Variants in NUDT3 observed in about 807,000 individuals in gnomAD.
NUDT3 encodes diphosphoinositol polyphosphate phosphohydrolase 1.
In NUDT3, 9 loss-of-function variants were observed where a neutral mutation model predicts 23.6. That is an observed-to-expected ratio of 0.38 (90% CI 0.23 to 0.66). The LOEUF (loss-of-function observed/expected upper bound fraction) is 0.66, where lower values mean the gene tolerates loss of function less well. Among genes scored for constraint, NUDT3 ranks in the 30% least tolerant of loss-of-function variants. The pLI is 0.52. For missense variants in NUDT3, 172 were observed against 218.5 expected, an observed-to-expected ratio of 0.79 and a Z score of 1.34; for synonymous variants, 86 against 82.6, an observed-to-expected ratio of 1.04 and a Z score of -0.22.
chr6:34,312,177 G>A (rs1220163827), intron 2 of NUDT3, among the ~76,000 whole-genome samples: 3 of 152,042 alleles, frequency 2.0e-5, no homozygotes, highest in South Asian at 2.1e-4. Flanking sequence ...TGAGGTGGGC[G>A]GATCACTTGA....
chr6:34,328,424 T>G (rs1764075279), intron 2 of NUDT3, among the ~76,000 whole-genome samples: 1 of 152,226 alleles, frequency 6.6e-6, no homozygotes, highest in South Asian at 2.1e-4. Flanking sequence ...CACTATAGCT[T>G]ACCATTTTTT....
intron 2 of NUDT3, among the ~76,000 whole-genome samples, chr6:34,300,426 T>A (rs1222386979): frequency 6.6e-6 from 1 of 152,242 alleles, no homozygotes; most frequent in African/African-American, 2.4e-5. Flanking sequence ...TGAGATGGTA[T>A]GCCTAAGCAA....
At chr6:34,377,131 C>T (rs1176217443) in intron 1 of NUDT3, among the ~76,000 whole-genome samples, 1 of 152,110 alleles carries the variant, frequency 6.6e-6, no homozygotes, top group Non-Finnish European at 1.5e-5. Flanking sequence ...CTAACTGCTC[C>T]ATGTACTTTA....
At chr6:34,290,401 CTTTTTTTTT>C (rs952499361) in intron 4 of NUDT3, among the ~76,000 whole-genome samples, 3 of 107,342 alleles carry the variant, frequency 2.8e-5, no homozygotes, top group Non-Finnish European at 3.8e-5. Flanking sequence ...GCTGCTGCTT[CTTTTTTTTT>C]TTTTTTTTTT....
intron 2 of NUDT3, among the ~76,000 whole-genome samples, chr6:34,304,746 G>C (rs1763652586): frequency 6.7e-6 from 1 of 150,012 alleles, no homozygotes; most frequent in South Asian, 2.1e-4. Context: ...CTGCAGCCTT[G>C]ACTACCCAGG....
At chr6:34,326,431 CATTT>C (rs1404984008) in intron 2 of NUDT3, among the ~76,000 whole-genome samples, 2 of 152,184 alleles carry the variant, frequency 1.3e-5, no homozygotes, top group Non-Finnish European at 2.9e-5. Context: ...ACAGCTCATT[CATTT>C]AATTAACACA....
At chr6:34,307,490 C>T (rs528246477) in intron 2 of NUDT3, among the ~76,000 whole-genome samples, 2 of 151,832 alleles carry the variant, frequency 1.3e-5, no homozygotes, top group East Asian at 3.9e-4. Context: ...ATGGGAGGAT[C>T]GCTTGAGCCC....
In NUDT3 at chr6:34,390,193, G is replaced by T. The variant is rs117744132; in HGVS notation, c.99+2071C>A. Among the ~76,000 whole-genome samples the T allele has an allele frequency of 2.2e-3, 331 of 150,450 alleles. 1 individual carries two copies. Among genetic ancestry groups the T allele is most frequent in the East Asian group, 0.011 (57 of 5,118 alleles). On this transcript the variant is annotated intron_variant, in intron 1 of 4. Transcript: ENST00000607016. ...TAAATAAAATTTTAAAAATAAAAATGCAAGCTCCTAGAATCGCCTGAACCT... is the reference window on the plus strand; with the variant it reads ...TAAATAAAATTTTAAAAATAAAAATTCAAGCTCCTAGAATCGCCTGAACCT...
intron 1 of NUDT3, among the ~76,000 whole-genome samples, chr6:34,344,825 GT>G (rs983952053): frequency 2.0e-5 from 3 of 149,976 alleles, no homozygotes; most frequent in African/African-American, 7.3e-5. Flanking sequence ...TTAATTTTTT[GT>G]GTTTTTAGTA....
At chr6:34,289,219 T>C (rs1763380775) in intron 4 of NUDT3, among the ~76,000 whole-genome samples, 1 of 152,278 alleles carries the variant, frequency 6.6e-6, no homozygotes, top group South Asian at 2.1e-4. Flanking sequence ...TGAGCTTTCC[T>C]TGCTTGCACA....
At position 34,341,871 on chromosome 6, in the gene NUDT3, G is replaced by T; in HGVS notation, c.201C>A (p.Val67=). The part of the protein sequence containing the change: ...EEPSVAAVRE[V]CEEAGVKGTL... ...TCTTCTCCATGCATACCTCCTCACA[G>T]ACTTCACGAACTGCTGCCACACTTG... Residue 67 remains valine, a synonymous_variant, in exon 2 of 5, where the codon GTC becomes GTA. Coordinates refer to ENST00000607016, the MANE Select transcript of NUDT3 (RefSeq NM_006703.4). 6.2e-7 allele frequency: 1 copy of T among 1,613,906 alleles called. No homozygotes were observed. The highest frequency in any genetic ancestry group is 1.1e-5 in the South Asian group (1 of 91,074).
intron 3 of NUDT3, among the ~76,000 whole-genome samples, chr6:34,294,645 G>A (rs1327763723): frequency 2.0e-5 from 3 of 151,470 alleles, no homozygotes; most frequent in Admixed American, 2.0e-4. Context: ...AGAATCACTT[G>A]AACCTGGGAG....
rs1233853980 is a variant in NUDT3, at chr6:34,287,873, T to G, written c.*880A>C. 1 of 152,136 alleles carries G rather than the reference T, an allele frequency of 6.6e-6. No individual in the cohort carries two copies. Among genetic ancestry groups the G allele is most frequent in the Non-Finnish European group, 1.5e-5 (1 of 68,034 alleles). The allele number at this position is 152,136 out of a possible 1,614,324, so 9.4% of individuals were successfully genotyped here. On this transcript the variant is annotated 3_prime_UTR_variant, in exon 5 of 5. Transcript: ENST00000607016. ...CAGTTCCAACTCTACTGTCAACATG[T>G]GGGGCAGAATTCAATTTCTATCATT...
chr6:34,361,383 T>C (rs191762544), intron 1 of NUDT3, among the ~76,000 whole-genome samples: 17 of 152,256 alleles, frequency 1.1e-4, no homozygotes, highest in Admixed American at 2.0e-4. Flanking sequence ...CACCAAATGC[T>C]GGTGGGGATG....
rs188330141 is a variant in NUDT3 at position 34,345,733 on chromosome 6, G to C, written c.100-3761C>G. On this transcript the variant is annotated intron_variant, in intron 1 of 4. Transcript: ENST00000607016. ...TTTCCCCCAGAGTCTACACCTCAAT[G>C]GAGTAACCTTCCAGAAGGTTATCCT... Among the ~76,000 whole-genome samples, 254 of 151,070 alleles carry C rather than the reference G, an allele frequency of 1.7e-3. 1 individual carries two copies. The highest frequency in any genetic ancestry group is 5.7e-3 in the African/African-American group (236 of 41,188).
chr6:34,304,390 C>A (rs1402155185), intron 2 of NUDT3, among the ~76,000 whole-genome samples: 1 of 150,818 alleles, frequency 6.6e-6, no homozygotes, highest in East Asian at 1.9e-4. Context: ...CATAGTGAGA[C>A]CCCATATCGA....
At chr6:34,390,518 T>C (rs1765180498) in intron 1 of NUDT3, among the ~76,000 whole-genome samples, 2 of 152,068 alleles carry the variant, frequency 1.3e-5, no homozygotes, top group Non-Finnish European at 2.9e-5. Context: ...TTTCTATTTC[T>C]AGTATGATTT....
intron 4 of NUDT3, among the ~76,000 whole-genome samples, chr6:34,292,471 A>G (rs1332029067): frequency 3.3e-5 from 5 of 152,206 alleles, no homozygotes. Context: ...AGTTCCAAAG[A>G]TGTAAACGTA....
intron 2 of NUDT3, among the ~76,000 whole-genome samples, chr6:34,319,842 G>GCCAA (rs1763913675): frequency 6.6e-6 from 1 of 152,100 alleles, no homozygotes; most frequent in Non-Finnish European, 1.5e-5. Context: ...GTCCTGCCTT[G>GCCAA]GGCAGGTAAA....
Sources: allele counts gnomAD v4.1 joint callset (sites outside exome capture counted in the v4.1 genomes callset), GRCh38; gene constraint gnomAD v4.1.1; transcripts MANE v1.5; gene names NCBI Gene and HGNC (gene_info 2026-07-23, HGNC 2026-07-21).